ZDHHC14: variants seen among roughly 807,000 people sequenced by gnomAD.
ZDHHC14 encodes zDHHC palmitoyltransferase 14, also known as palmitoyltransferase ZDHHC14.
A neutral mutation model predicts 47.7 loss-of-function variants in ZDHHC14; 16 were observed. The observed-to-expected ratio is 0.34, with a 90% CI of 0.23 to 0.51. The LOEUF is 0.51. Ranked by LOEUF, ZDHHC14 falls within the 20% of genes least tolerant of loss-of-function variation. The pLI is 0.97. For missense variants in ZDHHC14, 515 were observed against 662.5 expected, an observed-to-expected ratio of 0.78 and a Z score of 2.44; for synonymous variants, 293 against 278.9, an observed-to-expected ratio of 1.05 and a Z score of -0.50.
At chr6:157,573,786 G>T (rs980314652) in intron 2 of ZDHHC14, among the ~76,000 whole-genome samples, 1 of 152,168 alleles carries the variant, frequency 6.6e-6, no homozygotes, top group Non-Finnish European at 1.5e-5. Flanking sequence ...CAGAGGAAGC[G>T]CAGCTCAGCC....
chr6:157,645,098 C>T (rs999797303), intron 5 of ZDHHC14, among the ~76,000 whole-genome samples: 2 of 152,082 alleles, frequency 1.3e-5, no homozygotes, highest in African/African-American at 4.8e-5. Flanking sequence ...GAGAAAACTC[C>T]CCCAGGTAAA....
chr6:157,445,375 G>A (rs147624548), intron 1 of ZDHHC14, among the ~76,000 whole-genome samples: 4 of 152,256 alleles, frequency 2.6e-5, no homozygotes, highest in East Asian at 1.9e-4. Context: ...GCCAAGATGC[G>A]CCAGAAATAG....
chr6:157,433,541 G>A (rs1181147750), intron 1 of ZDHHC14, among the ~76,000 whole-genome samples: 1 of 152,220 alleles, frequency 6.6e-6, no homozygotes, highest in Admixed American at 6.5e-5. Context: ...AGAGTCCTGG[G>A]CAAACCACTT....
At position 157,382,046 on chromosome 6, in the gene ZDHHC14, A is replaced by G. The variant is rs1225160443; in HGVS notation, c.25A>G (p.Met9Val). MPPGGGGP[M>V]KDCEYSQIST... Reference sequence around the variant, plus strand: ...GATGCCTCCCGGCGGCGGCGGGCCCATGAAAGACTGCGAGTACAGCCAGAT... The same window carrying G: ...GATGCCTCCCGGCGGCGGCGGGCCCGTGAAAGACTGCGAGTACAGCCAGAT... Residue 9 changes from methionine to valine, a missense_variant, in exon 1 of 9, where the codon ATG (methionine) becomes GTG (valine). Physicochemically the swap from Met to Val is conservative, Grantham distance 21 (BLOSUM62 1). Coordinates refer to ENST00000359775, the MANE Select transcript of ZDHHC14 (RefSeq NM_024630.3). 3.8e-6 allele frequency: 6 copies of G among 1,569,436 alleles called. No individual in the cohort carries two copies. The highest frequency in any genetic ancestry group is 1.4e-5 in the African/African-American group (1 of 72,844).
At chr6:157,429,116 C>A (rs1259007243) in intron 1 of ZDHHC14, among the ~76,000 whole-genome samples, 1 of 152,100 alleles carries the variant, frequency 6.6e-6, no homozygotes, top group Non-Finnish European at 1.5e-5. Context: ...TCCACTAATT[C>A]TTTGAAAACA....
intron 2 of ZDHHC14, among the ~76,000 whole-genome samples, chr6:157,551,949 T>C (rs901949608): frequency 1.3e-5 from 2 of 152,242 alleles, no homozygotes; most frequent in Admixed American, 6.5e-5. Flanking sequence ...CAAAGAGCCA[T>C]TCCAGCGTTA....
intron 1 of ZDHHC14, among the ~76,000 whole-genome samples, chr6:157,416,092 A>G (rs771693768): frequency 2.6e-5 from 4 of 152,202 alleles, no homozygotes; most frequent in Non-Finnish European, 5.9e-5. Flanking sequence ...CATCCCTGGC[A>G]GGTAACAGCC....
intron 1 of ZDHHC14, among the ~76,000 whole-genome samples, chr6:157,484,278 CGTATATATATATGT>C (rs1445131872): frequency 5.8e-5 from 7 of 120,878 alleles, no homozygotes; most frequent in Admixed American, 9.1e-5. Flanking sequence ...TGTATATATA[CGTATATATATATGT>C]GTATATATAT....
intron 8 of ZDHHC14, among the ~76,000 whole-genome samples, chr6:157,663,818 C>G (rs1037347727): frequency 5.3e-5 from 8 of 152,202 alleles, no homozygotes; most frequent in African/African-American, 1.9e-4. Flanking sequence ...GGACATACCA[C>G]ATGCTGTTCC....
chr6:157,544,355 A>G (rs1781882431), intron 2 of ZDHHC14, among the ~76,000 whole-genome samples: 1 of 152,176 alleles, frequency 6.6e-6, no homozygotes, highest in Non-Finnish European at 1.5e-5. Context: ...CCTTTCTTAC[A>G]AAGTGGATGA....
intron 2 of ZDHHC14, among the ~76,000 whole-genome samples, chr6:157,575,130 G>A (rs979600116): frequency 6.6e-6 from 1 of 152,222 alleles, no homozygotes; most frequent in African/African-American, 2.4e-5. Flanking sequence ...GGAAGCAGGC[G>A]GGGTTTCTAC....
intron 1 of ZDHHC14, among the ~76,000 whole-genome samples, chr6:157,431,822 T>C (rs1778344862): frequency 6.6e-6 from 1 of 151,752 alleles, no homozygotes; most frequent in African/African-American, 2.4e-5. Flanking sequence ...CTCAACCCTC[T>C]GTGCTCAGGC....
At chr6:157,626,408 T>C (rs1311243584) in intron 3 of ZDHHC14, among the ~76,000 whole-genome samples, 1 of 152,182 alleles carries the variant, frequency 6.6e-6, no homozygotes, top group Non-Finnish European at 1.5e-5. Context: ...GATTTTTTTC[T>C]CTCTGTGCAC....
At chr6:157,497,451 C>A (rs138367210) in intron 1 of ZDHHC14, among the ~76,000 whole-genome samples, 1 of 152,286 alleles carries the variant, frequency 6.6e-6, no homozygotes, top group East Asian at 1.9e-4. Flanking sequence ...TAATAGTTTG[C>A]AATGACGTTG....
chr6:157,416,319 T>C (rs1263582700), intron 1 of ZDHHC14, among the ~76,000 whole-genome samples: 1 of 152,128 alleles, frequency 6.6e-6, no homozygotes. Flanking sequence ...TTCTGTGAAG[T>C]GTTATAATTG....
chr6:157,544,338 C>T lies in ZDHHC14; in HGVS notation c.406+1593C>T, dbSNP rs1781881586. On this transcript the variant is annotated intron_variant, in intron 2 of 8. Transcript: ENST00000359775. ...CAAAATCAGCACGATTAGGAACAGACTTTCTGCCTTTCTTACAAAGTGGAT... is the reference window on the plus strand; with the variant it reads ...CAAAATCAGCACGATTAGGAACAGATTTTCTGCCTTTCTTACAAAGTGGAT... Among the ~76,000 whole-genome samples, 3 of 152,320 alleles carry T rather than the reference C, an allele frequency of 2.0e-5. No individual in the cohort carries two copies. In the South Asian group the frequency reaches 6.2e-4, roughly 32 times the overall value.
At chr6:157,467,057 G>C (rs1409874321) in intron 1 of ZDHHC14, among the ~76,000 whole-genome samples, 7 of 151,900 alleles carry the variant, frequency 4.6e-5, no homozygotes, top group Non-Finnish European at 1.0e-4. Context: ...ACCCCATAAG[G>C]CATGTTCCCA....
At chr6:157,480,467 A>G (rs1779600424) in intron 1 of ZDHHC14, among the ~76,000 whole-genome samples, 1 of 152,048 alleles carries the variant, frequency 6.6e-6, no homozygotes, top group African/African-American at 2.4e-5. Context: ...AGGGTTCACC[A>G]TGTTGGCCAG....
chr6:157,440,624 T>C (rs1778543562), intron 1 of ZDHHC14, among the ~76,000 whole-genome samples: 1 of 152,230 alleles, frequency 6.6e-6, no homozygotes, highest in Admixed American at 6.5e-5. Context: ...ACAGCAGCGT[T>C]CTTTACAATA....
Sources: gnomAD v4.1 joint callset for allele counts (sites outside exome capture counted in the v4.1 genomes callset) on GRCh38, gnomAD v4.1.1 for gene constraint, MANE v1.5 for transcripts, NCBI Gene and HGNC (gene_info 2026-07-23, HGNC 2026-07-21) for gene names.